The following MCC variants were observed in gnomAD, a reference collection of about 807,000 sequenced individuals.
MCC encodes colorectal mutant cancer protein.
Under a neutral mutation model 116.2 loss-of-function variants are expected in MCC, and 90 were observed. That is an observed-to-expected ratio of 0.77 (90% CI 0.65 to 0.92). The LOEUF (loss-of-function observed/expected upper bound fraction) is 0.92. MCC is among the 40% of genes least tolerant of loss of function. MCC has a pLI of 0.00. For synonymous variants in MCC, 578 were observed against 510.5 expected, an observed-to-expected ratio of 1.13 and a Z score of -1.78; for missense variants, 1,516 against 1,312.2, an observed-to-expected ratio of 1.16 and a Z score of -2.40.
At chr5:113,243,856 G>C (rs1764475632) in intron 3 of MCC, among the ~76,000 whole-genome samples, 1 of 152,190 alleles carries the variant, frequency 6.6e-6, no homozygotes. Flanking sequence ...AGCACACCTA[G>C]CATTTCCTTC....
At position 113,072,475 on chromosome 5, in the gene MCC, T is replaced by C. The variant is rs945748195; in HGVS notation, c.1785-1241A>G. Among the ~76,000 whole-genome samples the C allele has an allele frequency of 3.9e-5, 6 of 152,302 alleles. No homozygotes were observed. The East Asian group carries it at 1.2e-3, about 29-fold the overall frequency. ...CTGTCCCGGCTAATTAGATAAAGCC[T>C]TTACCCAACTCATAGACCTCCATGT... On this transcript the variant is annotated intron_variant, in intron 11 of 18. Transcript: ENST00000408903.
intron 1 of MCC, among the ~76,000 whole-genome samples, chr5:113,450,087 A>T (rs1476970668): frequency 1.3e-5 from 2 of 152,204 alleles, no homozygotes; most frequent in African/African-American, 4.8e-5. Flanking sequence ...GAGTTTACGG[A>T]CATTGGAAGG....
At chr5:113,086,938 A>G (rs1320961746) in intron 8 of MCC, among the ~76,000 whole-genome samples, 1 of 152,214 alleles carries the variant, frequency 6.6e-6, no homozygotes, top group Non-Finnish European at 1.5e-5. Flanking sequence ...CTGCATGTCT[A>G]GTAAGCTCGC....
intron 17 of MCC, among the ~76,000 whole-genome samples, chr5:113,037,514 G>A (rs1751402066): frequency 6.6e-6 from 1 of 152,168 alleles, no homozygotes; most frequent in Non-Finnish European, 1.5e-5. Context: ...GCAACATGGT[G>A]AAATCCTGTC....
chr5:113,434,070 A>G lies in MCC; in HGVS notation c.171-48858T>C. ...CTCGTCGATGTGGAGCCGCCGGTTG[A>G]CGTCGGGCTGCAGCATGTGGTAGAT... is the stretch of plus-strand genomic sequence containing the variant. On this transcript the variant is annotated intron_variant, in intron 1 of 18. Transcript: ENST00000408903. The surrounding 1 kb of genome is among the most constrained non-coding windows in gnomAD (Gnocchi z 4.2). 6.2e-7 allele frequency: 1 copy of G among 1,614,090 alleles called. No homozygotes were observed. The highest frequency in any genetic ancestry group is 8.5e-7 in the Non-Finnish European group (1 of 1,179,980).
intron 1 of MCC, among the ~76,000 whole-genome samples, chr5:113,474,031 C>T (rs367943): frequency 0.31 from 47,151 of 152,032 alleles, 7,729 homozygotes; most frequent in African/African-American, 0.36. Context: ...TTTGGTCACA[C>T]TGATCTTTTA....
intron 17 of MCC, among the ~76,000 whole-genome samples, chr5:113,033,248 C>G (rs1055854239): frequency 1.3e-5 from 2 of 152,234 alleles, no homozygotes; most frequent in African/African-American, 4.8e-5. Flanking sequence ...CCCCAGCTGA[C>G]TCTTGTCATC....
In MCC at chr5:113,269,310, T is replaced by C. The variant is rs374683271; in HGVS notation, c.627+71209A>G. The C allele has an allele frequency of 6.5e-4, 310 of 474,426 alleles. 5 individuals are homozygous for C. In the East Asian group the frequency reaches 0.022, roughly 34 times the overall value. The allele number at this position is 474,426 out of a possible 1,614,324, so 29.4% of individuals were successfully genotyped here. ...AGGCCAATGAACTCTTTTTCAATGA[T>C]ACCTTTTTCAATGATACCTTAACTG... On this transcript the variant is annotated intron_variant, in intron 3 of 18. Coordinates refer to ENST00000408903, the MANE Select transcript of MCC (RefSeq NM_001085377.2).
chr5:113,052,882 A>G (rs1752578989), intron 15 of MCC, among the ~76,000 whole-genome samples: 1 of 152,168 alleles, frequency 6.6e-6, no homozygotes, highest in South Asian at 2.1e-4. Flanking sequence ...AGGGCCCACC[A>G]TAAGTCACCT....
intron 1 of MCC, among the ~76,000 whole-genome samples, chr5:113,442,238 T>A (rs978948380): frequency 6.6e-6 from 1 of 152,244 alleles, no homozygotes; most frequent in South Asian, 2.1e-4. Flanking sequence ...TGATCTGCAT[T>A]TCTCTAGTGA....
rs1173050672 is a variant in MCC, at chr5:113,434,898, C to T, written c.171-49686G>A. On this transcript the variant is annotated intron_variant, in intron 1 of 18. Transcript: ENST00000408903. The surrounding 1 kb of genome is among the most constrained non-coding windows in gnomAD (Gnocchi z 4.2). ...CCTCTACAGCCCCGAGGCGCATGGG[C>T]CAGCAGTGTGCTCATTTACATCCTG... 11 of 1,544,738 alleles carry T rather than the reference C, an allele frequency of 7.1e-6. No individual in the cohort carries two copies. The highest frequency in any genetic ancestry group is 5.8e-5 in the Admixed American group (3 of 51,678).
chr5:113,441,979 T>C (rs1407217088), intron 1 of MCC, among the ~76,000 whole-genome samples: 1 of 152,248 alleles, frequency 6.6e-6, no homozygotes, highest in African/African-American at 2.4e-5. Context: ...CTTTATAGAA[T>C]GATTTATAAT....
intron 2 of MCC, among the ~76,000 whole-genome samples, chr5:113,348,172 G>A (rs990160019): frequency 5.3e-5 from 8 of 151,916 alleles, no homozygotes; most frequent in Non-Finnish European, 8.8e-5. Flanking sequence ...TAGAAAATCA[G>A]CAAAGAAACA....
chr5:113,384,154 T>C (rs913598314), intron 2 of MCC, among the ~76,000 whole-genome samples: 1 of 152,204 alleles, frequency 6.6e-6, no homozygotes, highest in Admixed American at 6.5e-5. Context: ...AGAAACCCCA[T>C]GTTCCCATCA....
chr5:113,099,326 G>T (rs1756248542), intron 8 of MCC, among the ~76,000 whole-genome samples: 2 of 152,186 alleles, frequency 1.3e-5, no homozygotes, highest in African/African-American at 4.8e-5. Flanking sequence ...ACTAAAATGT[G>T]TCTATGTGTG....
At chr5:113,423,406 G>A (rs544710619) in intron 1 of MCC, among the ~76,000 whole-genome samples, 1 of 152,310 alleles carries the variant, frequency 6.6e-6, no homozygotes, top group African/African-American at 2.4e-5. Context: ...ACAAAGCTAT[G>A]TGTTGATCCT....
chr5:113,264,337 C>T (rs186019910), intron 3 of MCC, among the ~76,000 whole-genome samples: 2 of 152,172 alleles, frequency 1.3e-5, no homozygotes, highest in Admixed American at 6.5e-5. Context: ...GCCTTAGTCA[C>T]GGGTCAAACA....
chr5:113,196,959 T>A (rs760837714), intron 3 of MCC, among the ~76,000 whole-genome samples: 1 of 152,228 alleles, frequency 6.6e-6, no homozygotes, highest in Non-Finnish European at 1.5e-5. Flanking sequence ...AAGGGTGCCA[T>A]CCTACATGTA....
At chr5:113,168,615 T>C (rs1366202958) in intron 3 of MCC, among the ~76,000 whole-genome samples, 1 of 152,178 alleles carries the variant, frequency 6.6e-6, no homozygotes, top group Non-Finnish European at 1.5e-5. Context: ...TTCCAGAATA[T>C]ACCACAGGCA....
Sources: gnomAD v4.1 joint callset for allele counts (sites outside exome capture counted in the v4.1 genomes callset) on GRCh38, gnomAD v4.1.1 for gene constraint, Gnocchi (gnomAD v3.1) non-coding constraint, MANE v1.5 for transcripts, NCBI Gene and HGNC (gene_info 2026-07-23, HGNC 2026-07-21) for gene names.